Variants in EIF2AK1 observed in about 807,000 individuals in gnomAD.
EIF2AK1 encodes eukaryotic translation initiation factor 2 alpha kinase 1.
EIF2AK1 carries 54 observed loss-of-function variants against 77.9 expected under a neutral mutation model. That is an observed-to-expected ratio of 0.69 (90% CI 0.56 to 0.87). EIF2AK1 has a LOEUF of 0.87. Ranked by LOEUF, EIF2AK1 falls within the 40% of genes least tolerant of loss-of-function variation. EIF2AK1 has a pLI of 0.00. For missense variants in EIF2AK1, 810 were observed against 768.6 expected, an observed-to-expected ratio of 1.05 and a Z score of -0.64; for synonymous variants, 314 against 290.5, an observed-to-expected ratio of 1.08 and a Z score of -0.82.
At chr7:6,050,097 C>T (rs752468970) in intron 2 of EIF2AK1, 52 bp from the exon 3 acceptor site, 73 of 1,497,660 alleles carry the variant, frequency 4.9e-5, no homozygotes, top group Admixed American at 5.9e-5. Context: ...AATAAAATGG[C>T]AATTTTAAAG....
chr7:6,052,121 G>A (rs571479960), intron 2 of EIF2AK1, among the ~76,000 whole-genome samples: 2 of 145,624 alleles, frequency 1.4e-5, no homozygotes, highest in South Asian at 4.3e-4. Flanking sequence ...GCAGTGAGCC[G>A]AGATCGCACT....
chr7:6,044,451 T>A (rs1323282076), intron 7 of EIF2AK1, 111 bp downstream of exon 7: 1 of 862,226 alleles, frequency 1.2e-6, no homozygotes, highest in Non-Finnish European at 1.8e-6. Context: ...AAAAAATATG[T>A]AAAAACCATT....
intron 4 of EIF2AK1, among the ~76,000 whole-genome samples, chr7:6,047,551 T>G (rs1467656943): frequency 6.6e-6 from 1 of 151,790 alleles, no homozygotes; most frequent in Non-Finnish European, 1.5e-5. Flanking sequence ...CGGGTGCCTG[T>G]AATCCCAGCT....
rs1488174875 is a variant in EIF2AK1, at chr7:6,038,633, C to A, written c.1158G>T (p.Leu386=). 1.2e-6 allele frequency: 2 copies of A among 1,613,368 alleles called. No homozygotes were observed. Among genetic ancestry groups the A allele is most frequent in the East Asian group, 4.5e-5 (2 of 44,814 alleles). Reference sequence around the variant, plus strand: ...TCCAATCCCACAGCGAGAGCTCACACAGCTGCATCTGGATGTGCAGCATCA... The same window carrying A: ...TCCAATCCCACAGCGAGAGCTCACAAAGCTGCATCTGGATGTGCAGCATCA... The part of the protein sequence containing the change: ...YHLMLHIQMQ[L]CELSLWDWIV... The change falls in exon 10 of 15, where the codon CTG becomes CTT. Residue 386 remains leucine (L), a synonymous_variant. Coordinates refer to ENST00000199389, the MANE Select transcript of EIF2AK1 (RefSeq NM_014413.4).
intron 2 of EIF2AK1, among the ~76,000 whole-genome samples, chr7:6,052,086 C>T (rs993733470): frequency 1.3e-5 from 2 of 150,342 alleles, no homozygotes; most frequent in African/African-American, 2.5e-5. Flanking sequence ...GCAAGAGAAT[C>T]GCTTGAACCC....
At chr7:6,045,032 C>A (rs1340408066) in intron 6 of EIF2AK1, among the ~76,000 whole-genome samples, 2 of 152,032 alleles carry the variant, frequency 1.3e-5, no homozygotes, top group Non-Finnish European at 2.9e-5. Flanking sequence ...AGGACATAAT[C>A]CCATCATAAG....
intron 11 of EIF2AK1, among the ~76,000 whole-genome samples, chr7:6,030,996 CTT>C (rs1192433480): frequency 6.6e-6 from 1 of 152,124 alleles, no homozygotes; most frequent in Admixed American, 6.5e-5. Context: ...TAAAAAATAA[CTT>C]AAGGTTAAAA....
rs570259991 is a variant in EIF2AK1 at position 6,027,164 on chromosome 7, G to T, written c.1531-203C>A. 1.3e-5 allele frequency among the ~76,000 whole-genome samples: 2 copies of T among 152,298 alleles called. No individual in the cohort carries two copies. Among genetic ancestry groups the T allele is most frequent in the Admixed American group, 1.3e-4 (2 of 15,304 alleles). ...AAAAAGGGGCATCCGTGGGCACGCAGAATGGATGGTCAGGTGGAGGGCAGG... is the reference window on the plus strand; with the variant it reads ...AAAAAGGGGCATCCGTGGGCACGCATAATGGATGGTCAGGTGGAGGGCAGG... On this transcript the variant is annotated intron_variant, in intron 13 of 14. Coordinates refer to ENST00000199389, the MANE Select transcript of EIF2AK1 (RefSeq NM_014413.4). The surrounding 1 kb of genome is among the most constrained non-coding windows in gnomAD (Gnocchi z 4.5).
Position 6,036,095 on chromosome 7 carries a change from T to C in EIF2AK1, c.1332+1329A>G, listed in dbSNP as rs1209842999. 4.5e-6 allele frequency: 7 copies of C among 1,550,864 alleles called. No homozygotes were observed. The highest frequency in any genetic ancestry group is 2.4e-5 in the East Asian group (1 of 40,906). On this transcript the variant is annotated intron_variant, in intron 11 of 14. Transcript: ENST00000199389. This position sits in a 1 kb window ranked among gnomAD's most constrained non-coding sequence, Gnocchi z 4.6. ...CAATTTATATGTACCTTCAGCGCAG[T>C]TGCAATGTAAGAGATACGGCACTTC... is the stretch of plus-strand genomic sequence containing the variant.
chr7:6,046,053 A>C lies in EIF2AK1; in HGVS notation c.630+18T>G. On this transcript the variant is annotated intron_variant, in intron 6 of 14. Transcript: ENST00000199389. Reference sequence around the variant, plus strand: ...AAATACACAATTATTCAAAATAAGTAATTTTTAAAAATCATACCTTCATGC... The same window carrying C: ...AAATACACAATTATTCAAAATAAGTCATTTTTAAAAATCATACCTTCATGC... 6.9e-7 allele frequency: 1 copy of C among 1,458,564 alleles called. No individual in the cohort carries two copies. The highest frequency in any genetic ancestry group is 9.4e-7 in the Non-Finnish European group (1 of 1,065,992). 90.4% of individuals were successfully genotyped at this position (1,458,564 alleles called of 1,614,324 possible).
intron 14 of EIF2AK1, among the ~76,000 whole-genome samples, 166 bp from the exon 15 acceptor site, chr7:6,024,967 T>G (rs1787698194): frequency 6.6e-6 from 1 of 151,816 alleles, no homozygotes; most frequent in East Asian, 1.9e-4. Context: ...GCCACCCAAG[T>G]AGCTGGGATT....
At chr7:6,054,312 C>A (rs531719295) in intron 2 of EIF2AK1, among the ~76,000 whole-genome samples, 25 of 152,186 alleles carry the variant, frequency 1.6e-4, no homozygotes, top group Middle Eastern at 6.8e-3. Context: ...TCAACTGATT[C>A]TCCGCCTCAG....
chr7:6,041,214 T>G lies in EIF2AK1; in HGVS notation c.797A>C (p.Gln266Pro). 1 of 1,558,612 alleles carries G rather than the reference T, an allele frequency of 6.4e-7. No homozygotes were observed. Among genetic ancestry groups the G allele is most frequent in the Non-Finnish European group, 8.6e-7 (1 of 1,162,764 alleles). ...VLSDQEEDREQCGVKNDESSS... is the reference protein window; with the variant it reads ...VLSDQEEDREPCGVKNDESSS... ...ACTTTCATCATTTTTAACACCACATTGCTCTCTGAAAAAAAAAAAAATAGT... is the reference window on the plus strand; with the variant it reads ...ACTTTCATCATTTTTAACACCACATGGCTCTCTGAAAAAAAAAAAAATAGT... Residue 266 changes from glutamine (Q) to proline (P), a missense_variant, in exon 9 of 15, where the codon CAA becomes CCA. Coordinates refer to ENST00000199389, the MANE Select transcript of EIF2AK1 (RefSeq NM_014413.4).
At position 6,033,771 on chromosome 7, in the gene EIF2AK1, A is replaced by G. The variant is rs559415848; in HGVS notation, c.1332+3653T>C. On this transcript the variant is annotated intron_variant, in intron 11 of 14. Coordinates refer to ENST00000199389, the MANE Select transcript of EIF2AK1 (RefSeq NM_014413.4). The surrounding 1 kb of genome is among the most constrained non-coding windows in gnomAD (Gnocchi z 4.4). ...TTTTTAGTAGAGATGGGGTTTCACC[A>G]TGTTAGCCAGGATAGTCTCAATCTC... 7.8e-4 allele frequency among the ~76,000 whole-genome samples: 118 copies of G among 151,808 alleles called. No individual in the cohort carries two copies. The highest frequency in any genetic ancestry group is 1.6e-3 in the Non-Finnish European group (106 of 67,944).
At position 6,027,152 on chromosome 7, in the gene EIF2AK1, C is replaced by T. The variant is rs2240816; in HGVS notation, c.1531-191G>A. ...TTTCACAACCTCAAAAAGGGGCATC[C>T]GTGGGCACGCAGAATGGATGGTCAG... On this transcript the variant is annotated intron_variant, in intron 13 of 14. Transcript: ENST00000199389. This position sits in a 1 kb window ranked among gnomAD's most constrained non-coding sequence, Gnocchi z 4.5. 0.36 allele frequency among the ~76,000 whole-genome samples: 55,135 copies of T among 151,926 alleles called. 11,018 individuals are homozygous for T. Among genetic ancestry groups the T allele is most frequent in the Middle Eastern group, 0.52 (152 of 294 alleles).
At chr7:6,056,655 T>A (rs1788783502) in intron 1 of EIF2AK1, among the ~76,000 whole-genome samples, 1 of 128,298 alleles carries the variant, frequency 7.8e-6, no homozygotes, top group African/African-American at 3.0e-5. Flanking sequence ...CTGGACATTC[T>A]GGGCCTCTTT....
intron 8 of EIF2AK1, among the ~76,000 whole-genome samples, chr7:6,041,583 T>C (rs1012467028): frequency 1.3e-5 from 2 of 151,928 alleles, no homozygotes; most frequent in African/African-American, 4.8e-5. Context: ...GGCTCATGCC[T>C]GTAATCCCAG....
At position 6,024,910 on chromosome 7, in the gene EIF2AK1, C is replaced by T. The variant is rs879284982; in HGVS notation, c.1765-109G>A. The T allele has an allele frequency of 1.0e-3, 790 of 793,372 alleles. 2 individuals carry two copies. The highest frequency in any genetic ancestry group is 1.2e-3 in the Non-Finnish European group (662 of 550,510). The allele number at this position is 793,372 out of a possible 1,614,324, so 49.1% of individuals were successfully genotyped here. On this transcript the variant is annotated intron_variant, in intron 14 of 14. Coordinates refer to ENST00000199389, the MANE Select transcript of EIF2AK1 (RefSeq NM_014413.4). ...CTGGAGTACAGTGGCATGATCTTGG[C>T]TCACTGCAACCTGTGCCTCCCCAGT...
intron 2 of EIF2AK1, among the ~76,000 whole-genome samples, chr7:6,051,718 G>A (rs1007990926): frequency 2.0e-5 from 3 of 151,448 alleles, no homozygotes; most frequent in Admixed American, 1.3e-4. Flanking sequence ...GTGAGCCACC[G>A]TGCCCCACCA....
Sources: gnomAD v4.1 joint callset for allele counts (sites outside exome capture counted in the v4.1 genomes callset) on GRCh38, gnomAD v4.1.1 for gene constraint, Gnocchi (gnomAD v3.1) non-coding constraint, MANE v1.5 for transcripts, NCBI Gene and HGNC (gene_info 2026-07-23, HGNC 2026-07-21) for gene names.